Variants in RGS9 observed in about 807,000 individuals in gnomAD.
The protein encoded by RGS9 is regulator of G-protein signalling 9.
A neutral mutation model predicts 102.0 loss-of-function variants in RGS9; 78 were observed. The observed-to-expected ratio is 0.76, with a 90% confidence interval of 0.64 to 0.92. RGS9 has a LOEUF of 0.92. RGS9 is among the 40% of genes least tolerant of loss of function. RGS9 has a pLI of 0.00. For missense variants in RGS9, 833 were observed against 866.1 expected, an observed-to-expected ratio of 0.96 and a Z score of 0.48; for synonymous variants, 353 against 318.6, an observed-to-expected ratio of 1.11 and a Z score of -1.15.
chr17:65,223,059 G>C (rs915016391), intron 17 of RGS9, among the ~76,000 whole-genome samples: 2 of 152,196 alleles, frequency 1.3e-5, no homozygotes, highest in Admixed American at 6.5e-5. Context: ...CTGTAAAATG[G>C]GGATAATAAC....
rs897985197 is a variant in RGS9 at position 65,206,612 on chromosome 17, G to A, written c.1204-1310G>A. Among the ~76,000 whole-genome samples the A allele has an allele frequency of 3.3e-5, 5 of 152,322 alleles. No individual in the cohort carries two copies. The East Asian group carries it at 7.7e-4, about 23-fold the overall frequency. On this transcript the variant is annotated intron_variant, in intron 15 of 18. Transcript: ENST00000262406. ...GAATCACTTGAACCTGGGAGGTGGA[G>A]GTTGCAGTGAGTTGAGATCGTGCCA... is the stretch of plus-strand genomic sequence containing the variant.
chr17:65,159,485 G>T, intron 3 of RGS9, among the ~76,000 whole-genome samples: 1 of 152,148 alleles, frequency 6.6e-6, no homozygotes, highest in Non-Finnish European at 1.5e-5. Context: ...ACCTGGAGAG[G>T]GAGGGCTGGG....
intron 3 of RGS9, among the ~76,000 whole-genome samples, chr17:65,159,336 G>T (rs938774095): frequency 6.6e-6 from 1 of 152,108 alleles, no homozygotes; most frequent in Non-Finnish European, 1.5e-5. Flanking sequence ...CTCTTCACAC[G>T]GACACGAGTG....
chr17:65,161,032 C>T, intron 6 of RGS9, 123 bp downstream of exon 6: 1 of 800,874 alleles, frequency 1.2e-6, no homozygotes, highest in Non-Finnish European at 2.2e-6. Flanking sequence ...ATCCATCCAG[C>T]CAGCCAGCTA....
chr17:65,179,031 T>G (rs981912944), intron 9 of RGS9, among the ~76,000 whole-genome samples: 8 of 152,288 alleles, frequency 5.3e-5, no homozygotes, highest in African/African-American at 1.7e-4. Flanking sequence ...CCTAGACCCA[T>G]TTAAACAGAT....
chr17:65,168,545 C>CT (rs5821624), intron 8 of RGS9, among the ~76,000 whole-genome samples: 15,180 of 85,268 alleles, frequency 0.18, 1,664 homozygotes, highest in Non-Finnish European at 0.22. Flanking sequence ...AGGGCTGGGA[C>CT]TTTTTTTTTT....
chr17:65,179,201 A>C (rs1261375291), intron 9 of RGS9, among the ~76,000 whole-genome samples: 1 of 151,752 alleles, frequency 6.6e-6, no homozygotes, highest in African/African-American at 2.4e-5. Context: ...GTGGGAGGGG[A>C]AAGAAAAAGG....
At chr17:65,137,678 G>C in intron 1 of RGS9, 81 bp downstream of exon 1, 1 of 1,387,956 alleles carries the variant, frequency 7.2e-7, no homozygotes, top group Non-Finnish European at 1.0e-6. Context: ...AGAGGGGCAG[G>C]AGTGGAGAGC....
intron 16 of RGS9, among the ~76,000 whole-genome samples, chr17:65,210,152 C>G (rs556214445): frequency 1.3e-5 from 2 of 152,156 alleles, no homozygotes; most frequent in Non-Finnish European, 2.9e-5. Context: ...AGTACCCAAG[C>G]CTTCATTATC....
chr17:65,196,715 G>A (rs933239003), intron 12 of RGS9, among the ~76,000 whole-genome samples: 2 of 152,220 alleles, frequency 1.3e-5, no homozygotes, highest in African/African-American at 4.8e-5. Context: ...CACCCAGCAG[G>A]TGGCAGTGAT....
chr17:65,158,245 G>T (rs1910845740), intron 2 of RGS9, 50 bp from the exon 3 acceptor site: 3 of 1,546,258 alleles, frequency 1.9e-6, no homozygotes, highest in Non-Finnish European at 2.7e-6. Flanking sequence ...GAGGAGCGGG[G>T]ATGTGTCAGG....
intron 1 of RGS9, among the ~76,000 whole-genome samples, chr17:65,138,169 G>C (rs763135803): frequency 6.6e-6 from 1 of 152,172 alleles, no homozygotes; most frequent in Non-Finnish European, 1.5e-5. Flanking sequence ...CAAAGTGACC[G>C]GGCACAGGGT....
rs764260486 is a variant in RGS9 at position 65,197,123 on chromosome 17, C to T, written c.861-3C>T. On this transcript the variant is annotated splice_region_variant and splice_polypyrimidine_tract_variant and intron_variant, in intron 12 of 18. Transcript: ENST00000262406. ...CTGGTGCATTTACAAATCATCCTTG[C>T]AGGGTGGAAATCCCAACCAAGATGC... 1.2e-6 allele frequency: 2 copies of T among 1,607,280 alleles called. No homozygotes were observed. The highest frequency in any genetic ancestry group is 3.3e-5 in the Admixed American group (2 of 59,848).
intron 7 of RGS9, among the ~76,000 whole-genome samples, chr17:65,163,551 C>T (rs1262734035): frequency 1.3e-5 from 2 of 151,976 alleles, no homozygotes; most frequent in Non-Finnish European, 1.5e-5. Flanking sequence ...CACTGGGCTG[C>T]GCAGGGGGAA....
At chr17:65,178,863 C>T (rs144994738) in intron 9 of RGS9, among the ~76,000 whole-genome samples, 6 of 152,138 alleles carry the variant, frequency 3.9e-5, no homozygotes, top group Non-Finnish European at 7.3e-5. Flanking sequence ...CAGCAGCATC[C>T]CCAGCTCTGC....
At chr17:65,171,141 C>T (rs1465736457) in intron 8 of RGS9, among the ~76,000 whole-genome samples, 1 of 152,148 alleles carries the variant, frequency 6.6e-6, no homozygotes, top group Non-Finnish European at 1.5e-5. Context: ...TGAGACGTGG[C>T]CTGCTGTTAC....
intron 8 of RGS9, among the ~76,000 whole-genome samples, chr17:65,169,000 G>A (rs1911306575): frequency 1.3e-5 from 2 of 152,184 alleles, no homozygotes; most frequent in East Asian, 1.9e-4. Flanking sequence ...CTGCCTATGG[G>A]TCATGGGAGG....
Position 65,204,181 on chromosome 17 carries a change from G to A in RGS9, c.1083G>A (p.Gly361=). The change falls in exon 15 of 19, where the codon GGG becomes GGA. Residue 361 remains glycine (G), a synonymous_variant. Coordinates refer to ENST00000262406, the MANE Select transcript of RGS9 (RefSeq NM_003835.4). ...ACCCCAGGCTGTTCCTGGCCCCGGG[G>A]GCGAGGCGCTGGATCAACATAGATG... ...EEIYKLFLAP[G]ARRWINIDGK... is the part of the protein sequence containing the mutation. The A allele has an allele frequency of 6.2e-7, 1 of 1,612,624 alleles. No individual in the cohort carries two copies. Among genetic ancestry groups the A allele is most frequent in the South Asian group, 1.1e-5 (1 of 91,006 alleles).
chr17:65,197,612 G>C (rs889848179), intron 13 of RGS9, among the ~76,000 whole-genome samples: 2 of 152,008 alleles, frequency 1.3e-5, no homozygotes, highest in Non-Finnish European at 2.9e-5. Context: ...AGACAGGCAG[G>C]CTTTCCCTTT....
Sources: allele counts gnomAD v4.1 joint callset (sites outside exome capture counted in the v4.1 genomes callset), GRCh38; gene constraint gnomAD v4.1.1; transcripts MANE v1.5; gene names NCBI Gene and HGNC (gene_info 2026-07-23, HGNC 2026-07-21).